Variants in DNPEP observed in about 807,000 individuals in gnomAD.
DNPEP encodes the protein aspartyl aminopeptidase.
DNPEP carries 46 observed loss-of-function variants against 59.1 expected under a neutral mutation model. The observed-to-expected ratio is 0.78, with a 90% confidence interval of 0.61 to 0.99. DNPEP has a LOEUF of 0.99. Ranked by LOEUF, DNPEP falls within the 50% of genes least tolerant of loss-of-function variation. The pLI, the probability that DNPEP is intolerant of heterozygous loss-of-function variation, is 0.00. For missense variants in DNPEP, 617 were observed against 649.9 expected (o/e 0.95, Z 0.55); for synonymous variants, 229 against 242.2 (o/e 0.95, Z 0.50).
At position 219,386,032 on chromosome 2, in the gene DNPEP, G is replaced by A; in HGVS notation, c.526C>T (p.His176Tyr). Residue 176 changes from histidine (H) to tyrosine (Y), a missense_variant, in exon 6 of 15, where the codon CAC becomes TAC. Physicochemically the swap from His to Tyr is moderately conservative, Grantham distance 83. Transcript: ENST00000273075. ...TTTCGCTGCAGATGGATGGCCAGGT[G>A]TGGGATGCGAAGAATGGGCCGCTCC... ...HVERPILRIP[H>Y]LAIHLQRNIN... The A allele has an allele frequency of 6.2e-7, 1 of 1,614,158 alleles. No homozygotes were observed. The highest frequency in any genetic ancestry group is 8.5e-7 in the Non-Finnish European group (1 of 1,180,020).
chr2:219,387,448 C>T, intron 1 of DNPEP: 1 of 1,434,500 alleles, frequency 7.0e-7, no homozygotes, highest in Non-Finnish European at 9.2e-7. Flanking sequence ...AAATCCTGTT[C>T]TGCTCCCAAA....
intron 13 of DNPEP, among the ~76,000 whole-genome samples, chr2:219,375,472 T>C (rs1384941613): frequency 6.6e-6 from 1 of 152,044 alleles, no homozygotes; most frequent in South Asian, 2.1e-4. Flanking sequence ...CAAAATCAAA[T>C]AGGTAGTAAC....
intron 1 of DNPEP, among the ~76,000 whole-genome samples, chr2:219,396,800 C>CTT (rs1310759071): frequency 6.6e-6 from 1 of 152,276 alleles, no homozygotes; most frequent in Middle Eastern, 3.4e-3. Context: ...CTGTGCTGTG[C>CTT]TTATCTAAGA....
chr2:219,390,511 A>G (rs939991132), upstream of DNPEP, among the ~76,000 whole-genome samples: 7 of 152,246 alleles, frequency 4.6e-5, no homozygotes, highest in Non-Finnish European at 7.3e-5. Flanking sequence ...ATTTCTAGTC[A>G]TGAACATATG....
At chr2:219,381,780 T>TGTGGA in intron 11 of DNPEP, 196 bp from the exon 12 acceptor site, 1 of 844,892 alleles carries the variant, frequency 1.2e-6, no homozygotes, top group Non-Finnish European at 1.9e-6. Flanking sequence ...GACAAAGGTG[T>TGTGGA]ATTCCACACA....
chr2:219,374,179 G>A lies in DNPEP; in HGVS notation c.*113C>T. 1 of 1,067,772 alleles carries A rather than the reference G, an allele frequency of 9.4e-7. No individual in the cohort carries two copies. Among genetic ancestry groups the A allele is most frequent in the Non-Finnish European group, 1.4e-6 (1 of 702,238 alleles). 66.1% of individuals were successfully genotyped at this position (1,067,772 alleles called of 1,614,324 possible). A position where few individuals can be genotyped will look rare whatever the true frequency, so the allele number is the denominator to read the frequency against. The stretch of plus-strand genomic sequence containing the variant: ...TCCCACTCCTCTAGTCTCCAAATAA[G>A]CGTAGCACGGAGAGTCTGAGTGACA... On this transcript the variant is annotated 3_prime_UTR_variant, in exon 15 of 15. Coordinates refer to ENST00000273075, the MANE Select transcript of DNPEP (RefSeq NM_012100.4).
At chr2:219,385,343 T>G (rs1301869550) in intron 8 of DNPEP, 81 bp downstream of exon 8, 5 of 867,368 alleles carry the variant, frequency 5.8e-6, no homozygotes, top group Non-Finnish European at 9.4e-6. Flanking sequence ...GTGGAGGTGA[T>G]GGGTGCTTCA....
chr2:219,381,984 G>T lies in DNPEP; in HGVS notation c.1092C>A (p.Asn364Lys), dbSNP rs1490931194. 1 of 1,614,094 alleles carries T rather than the reference G, an allele frequency of 6.2e-7. No individual in the cohort carries two copies. The highest frequency in any genetic ancestry group is 8.5e-7 in the Non-Finnish European group (1 of 1,180,032). The stretch of plus-strand genomic sequence containing the variant: ...GACTGGCACTAGAGACTCACAGGTA[G>T]TTGGGATGCACAGCATGGGCCATGT... The part of the protein sequence containing the change: ...SADMAHAVHP[N>K]YLDKHEENHR... Residue 364 changes from asparagine (N) to lysine (K), a missense_variant, in exon 11 of 15, where the codon AAC (asparagine) becomes AAA (lysine). Physicochemically the swap from Asn to Lys is moderately conservative, Grantham distance 94. Transcript: ENST00000273075.
intron 7 of DNPEP, 24 bp downstream of exon 7, chr2:219,385,607 C>G (rs745970030): frequency 6.2e-7 from 1 of 1,612,034 alleles, no homozygotes; most frequent in Non-Finnish European, 8.5e-7. Context: ...TGCCGCCCTC[C>G]CCATGATCAG....
chr2:219,372,134 C>T lies in DNPEP; in HGVS notation c.*2158G>A, dbSNP rs1953210029. On this transcript the variant is annotated 3_prime_UTR_variant, in exon 15 of 15. Transcript: ENST00000273075. ...ACTGAATAAATAATGACCATCTATA[C>T]AATAAAATACTGTACGCCAATTGTA... Among the ~76,000 whole-genome samples, 1 of 152,212 alleles carries T rather than the reference C, an allele frequency of 6.6e-6. No homozygotes were observed. Among genetic ancestry groups the T allele is most frequent in the East Asian group, 1.9e-4 (1 of 5,178 alleles).
chr2:219,373,269 T>C lies in DNPEP; in HGVS notation c.*1023A>G, dbSNP rs995187582. On this transcript the variant is annotated 3_prime_UTR_variant, in exon 15 of 15. Coordinates refer to ENST00000273075, the MANE Select transcript of DNPEP (RefSeq NM_012100.4). The stretch of plus-strand genomic sequence containing the variant: ...TTTTAGCAGGGACAGGGTTTCTCCA[T>C]GTTGGTCAGGCTGGTCTTGAACTCC... 6.6e-6 allele frequency among the ~76,000 whole-genome samples: 1 copy of C among 152,004 alleles called. No individual in the cohort carries two copies. Among genetic ancestry groups the C allele is most frequent in the African/African-American group, 2.4e-5 (1 of 41,386 alleles).
At chr2:219,383,000 A>C (rs1053785076) in intron 10 of DNPEP, 131 bp downstream of exon 10, 1 of 674,570 alleles carries the variant, frequency 1.5e-6, no homozygotes, top group Non-Finnish European at 2.6e-6. Flanking sequence ...CCAAGTGCTA[A>C]GGAGGCACAG....
At position 219,386,649 on chromosome 2, in the gene DNPEP, C is replaced by T. The variant is rs567306590; in HGVS notation, c.333+16G>A. Reference sequence around the variant, plus strand: ...CTGACATCTCCTCCCACCCCAACACCGTCCGAGTTCCTTACCCGGAGGCAG... The same window carrying T: ...CTGACATCTCCTCCCACCCCAACACTGTCCGAGTTCCTTACCCGGAGGCAG... On this transcript the variant is annotated intron_variant, in intron 4 of 14. Coordinates refer to ENST00000273075, the MANE Select transcript of DNPEP (RefSeq NM_012100.4). 4.4e-6 allele frequency: 7 copies of T among 1,602,378 alleles called. No individual in the cohort carries two copies. In the African/African-American group the frequency reaches 6.7e-5, roughly 15 times the overall value.
At position 219,396,065 on chromosome 2, in the gene DNPEP, T is replaced by A. The variant is rs530741007; in HGVS notation, c.-158+3875A>T. ...CTGTGGATGGATCTCAGGTGCCTTATGCTGAGTGAAAAAAATGACAAAATT... is the reference window on the plus strand; with the variant it reads ...CTGTGGATGGATCTCAGGTGCCTTAAGCTGAGTGAAAAAAATGACAAAATT... On this transcript the variant is annotated intron_variant, in intron 1 of 6. Transcript: ENST00000434339. 2.6e-5 allele frequency among the ~76,000 whole-genome samples: 4 copies of A among 152,264 alleles called. No individual in the cohort carries two copies. In the South Asian group the frequency reaches 8.3e-4, roughly 32 times the overall value.
At chr2:219,389,700 C>T (rs970602006), upstream of DNPEP, among the ~76,000 whole-genome samples, 2 of 151,996 alleles carry the variant, frequency 1.3e-5, no homozygotes, top group African/African-American at 2.4e-5. Flanking sequence ...TGTAGTGGCA[C>T]GTGCCTGTAA....
upstream of DNPEP, chr2:219,388,096 C>T: frequency 3.3e-6 from 1 of 305,664 alleles, no homozygotes; most frequent in Middle Eastern, 1.0e-3. Context: ...TTGGCCGCAC[C>T]GCCCGCCCCG....
Position 219,378,061 on chromosome 2 carries a change from A to G in DNPEP, c.1240-3039T>C, listed in dbSNP as rs184800641. 5.3e-5 allele frequency among the ~76,000 whole-genome samples: 8 copies of G among 152,340 alleles called. No homozygotes were observed. The East Asian group carries it at 1.5e-3, about 29-fold the overall frequency. On this transcript the variant is annotated intron_variant, in intron 13 of 14. Coordinates refer to ENST00000273075, the MANE Select transcript of DNPEP (RefSeq NM_012100.4). ...TATATGAAGTTTATGCATAGAAAAA[A>G]ATCTGGAAGACTATACCAAATTTCT...
intron 1 of DNPEP, among the ~76,000 whole-genome samples, chr2:219,395,532 A>G (rs751118244): frequency 6.6e-6 from 1 of 152,354 alleles, no homozygotes. Context: ...ACACACATCA[A>G]GTATATCTGC....
At chr2:219,383,749 G>A (rs1953697055) in intron 9 of DNPEP, among the ~76,000 whole-genome samples, 3 of 152,182 alleles carry the variant, frequency 2.0e-5, no homozygotes, top group Non-Finnish European at 4.4e-5. Context: ...GTTGCCTGCA[G>A]AAGTAGATGC....
Sources: allele counts gnomAD v4.1 joint callset (sites outside exome capture counted in the v4.1 genomes callset), GRCh38; gene constraint gnomAD v4.1.1; transcripts MANE v1.5; gene names NCBI Gene and HGNC (gene_info 2026-07-23, HGNC 2026-07-21).